The following MEI4 variants were observed in gnomAD, a reference collection of about 807,000 sequenced individuals.
MEI4 encodes the protein meiotic double-stranded break formation protein 4.
Under a neutral mutation model 31.4 loss-of-function variants are expected in MEI4, and 27 were observed. The observed-to-expected ratio is 0.86, with a 90% CI of 0.63 to 1.19. The LOEUF (loss-of-function observed/expected upper bound fraction) is 1.19. Among genes scored for constraint, MEI4 ranks in the 50% most tolerant of loss-of-function variants. The pLI, the probability that MEI4 is intolerant of heterozygous loss-of-function variation, is 0.00. For missense variants in MEI4, 329 were observed against 398.9 expected (o/e 0.82, Z 1.49); for synonymous variants, 122 against 145.4 (o/e 0.84, Z 1.16).
At chr6:77,727,754 G>A (rs1490502078) in intron 2 of MEI4, among the ~76,000 whole-genome samples, 1 of 152,198 alleles carries the variant, frequency 6.6e-6, no homozygotes, top group Non-Finnish European at 1.5e-5. Flanking sequence ...AACATTAAAT[G>A]AAATCTTGAA....
intron 4 of MEI4, among the ~76,000 whole-genome samples, chr6:77,872,995 G>C (rs530777280): frequency 1.8e-3 from 278 of 151,492 alleles, no homozygotes; most frequent in South Asian, 0.011. Context: ...GGACATTTGG[G>C]TTGGTTCCAA....
chr6:77,926,378 T>C lies in MEI4; in HGVS notation c.*3032T>C, dbSNP rs1766845503. 2 of 152,062 alleles carry C rather than the reference T, an allele frequency of 1.3e-5. No homozygotes were observed. The highest frequency in any genetic ancestry group is 3.4e-3 in the Middle Eastern group (1 of 294). The allele number at this position is 152,062 out of a possible 1,614,324, so 9.4% of individuals were successfully genotyped here. A position where few individuals can be genotyped will look rare whatever the true frequency, so the allele number is the denominator to read the frequency against. Reference sequence around the variant, plus strand: ...GTTACAGATTGTCTTCAAACGATAATGTCCTAAAAGGTACAGAGCTCCCTC... The same window carrying C: ...GTTACAGATTGTCTTCAAACGATAACGTCCTAAAAGGTACAGAGCTCCCTC... On this transcript the variant is annotated 3_prime_UTR_variant, in exon 5 of 5. Transcript: ENST00000684080.
At chr6:77,682,268 A>G (rs1768972685) in intron 1 of MEI4, among the ~76,000 whole-genome samples, 1 of 152,172 alleles carries the variant, frequency 6.6e-6, no homozygotes, top group Non-Finnish European at 1.5e-5. Flanking sequence ...AGTGTCCTTC[A>G]GTTTCTTGCT....
chr6:77,821,244 A>G (rs1769815502), intron 3 of MEI4, among the ~76,000 whole-genome samples: 1 of 152,118 alleles, frequency 6.6e-6, no homozygotes, highest in Non-Finnish European at 1.5e-5. Context: ...TTGAAGGTCC[A>G]ATTTTTAAAA....
At chr6:77,725,368 C>A in intron 2 of MEI4, among the ~76,000 whole-genome samples, 4 of 65,926 alleles carry the variant, frequency 6.1e-5, no homozygotes, top group Non-Finnish European at 1.2e-4. Context: ...CTCGAGCGTA[C>A]CTTCACCCTA....
At chr6:77,742,600 G>A (rs1767445542) in intron 2 of MEI4, among the ~76,000 whole-genome samples, 1 of 152,206 alleles carries the variant, frequency 6.6e-6, no homozygotes, top group South Asian at 2.1e-4. Context: ...AGTTTCTTTT[G>A]CTGTGCAGAC....
At chr6:77,728,554 A>G (rs1766886812) in intron 2 of MEI4, among the ~76,000 whole-genome samples, 1 of 152,250 alleles carries the variant, frequency 6.6e-6, no homozygotes, top group Non-Finnish European at 1.5e-5. Flanking sequence ...CCTGTAAGCA[A>G]GAAAACTGAA....
At chr6:77,805,596 T>C (rs1005633146) in intron 3 of MEI4, among the ~76,000 whole-genome samples, 3 of 152,130 alleles carry the variant, frequency 2.0e-5, no homozygotes, top group South Asian at 2.1e-4. Context: ...AATGACAGTA[T>C]AATCAGTTAC....
rs1190949195 is a variant in MEI4, at chr6:77,690,923, T to C, written c.232+20T>C. 1.1e-5 allele frequency: 13 copies of C among 1,162,608 alleles called. No homozygotes were observed. Among genetic ancestry groups the C allele is most frequent in the Non-Finnish European group, 1.4e-5 (13 of 924,780 alleles). 72.0% of individuals were successfully genotyped at this position (1,162,608 alleles called of 1,614,324 possible). ...AGAGTGGTGAGTATATAAAATTGCC[T>C]TTTGGTAGTATGTCATACTTGTTTT... On this transcript the variant is annotated intron_variant, in intron 2 of 4. Transcript: ENST00000684080.
At chr6:77,692,146 G>A (rs1016143965) in intron 2 of MEI4, among the ~76,000 whole-genome samples, 1 of 151,756 alleles carries the variant, frequency 6.6e-6, no homozygotes, top group East Asian at 1.9e-4. Flanking sequence ...TATTGCCATG[G>A]TCCTCTCCTA....
At chr6:77,724,601 C>T (rs1447143992) in intron 2 of MEI4, among the ~76,000 whole-genome samples, 3 of 147,654 alleles carry the variant, frequency 2.0e-5, no homozygotes, top group East Asian at 4.0e-4. Flanking sequence ...CTGGGGGTGG[C>T]CGATACTGAA....
At chr6:77,827,837 A>C (rs1199115460) in intron 3 of MEI4, among the ~76,000 whole-genome samples, 2 of 152,198 alleles carry the variant, frequency 1.3e-5, no homozygotes, top group Admixed American at 6.5e-5. Flanking sequence ...TTTGAACCAC[A>C]TTAATGGTTA....
chr6:77,669,350 A>T (rs1049994046), intron 1 of MEI4, among the ~76,000 whole-genome samples: 3 of 152,288 alleles, frequency 2.0e-5, no homozygotes, highest in Non-Finnish European at 2.9e-5. Flanking sequence ...GTTTCAATTT[A>T]AAAAATTATG....
At chr6:77,818,408 G>T (rs1161063230) in intron 3 of MEI4, among the ~76,000 whole-genome samples, 1 of 151,986 alleles carries the variant, frequency 6.6e-6, no homozygotes, top group Non-Finnish European at 1.5e-5. Context: ...TCTGAAATTT[G>T]CCTTTTCTAG....
chr6:77,770,653 C>A (rs905972641), intron 3 of MEI4, among the ~76,000 whole-genome samples: 19 of 152,088 alleles, frequency 1.2e-4, no homozygotes, highest in Non-Finnish European at 2.4e-4. Context: ...CAAACAGACA[C>A]ATAAACCAAT....
chr6:77,899,704 C>G (rs1357260384), intron 4 of MEI4, among the ~76,000 whole-genome samples: 3 of 152,096 alleles, frequency 2.0e-5, no homozygotes, highest in African/African-American at 7.2e-5. Context: ...TCAGCCATCA[C>G]TTCATCCATG....
intron 4 of MEI4, among the ~76,000 whole-genome samples, chr6:77,849,605 C>G (rs909136266): frequency 1.7e-4 from 26 of 152,074 alleles, no homozygotes; most frequent in African/African-American, 4.6e-4. Context: ...CTTAGATACT[C>G]AAATAATGCA....
intron 3 of MEI4, among the ~76,000 whole-genome samples, chr6:77,804,547 A>C (rs1050762410): frequency 6.6e-6 from 1 of 152,176 alleles, no homozygotes; most frequent in South Asian, 2.1e-4. Flanking sequence ...TATTTCGCTC[A>C]CGCTGGGATC....
At chr6:77,825,768 T>A (rs543766060) in intron 3 of MEI4, among the ~76,000 whole-genome samples, 2 of 152,344 alleles carry the variant, frequency 1.3e-5, no homozygotes, top group East Asian at 3.9e-4. Flanking sequence ...TTTATTTGAA[T>A]CATCTTGATC....
Sources: allele counts gnomAD v4.1 joint callset (sites outside exome capture counted in the v4.1 genomes callset), GRCh38; gene constraint gnomAD v4.1.1; transcripts MANE v1.5; gene names NCBI Gene and HGNC (gene_info 2026-07-23, HGNC 2026-07-21).